The following ARFIP1 variants were observed in gnomAD, a reference collection of about 807,000 sequenced individuals.
ARFIP1 encodes the protein ARF interacting protein 1, also known as arfaptin-1.
In ARFIP1, 24 loss-of-function variants were observed where a neutral mutation model predicts 42.5. The ratio of observed to expected loss-of-function variants is 0.57; its 90% confidence interval spans 0.41 to 0.80. The LOEUF is 0.80. Among genes scored for constraint, ARFIP1 ranks in the 30% least tolerant of loss-of-function variants. ARFIP1 has a pLI of 0.00. For missense variants in ARFIP1, 354 were observed against 434.0 expected (o/e 0.82, Z 1.64); for synonymous variants, 141 against 153.7 (o/e 0.92, Z 0.61).
chr4:152,826,338 T>A (rs1730836556), intron 1 of ARFIP1, among the ~76,000 whole-genome samples: 1 of 152,126 alleles, frequency 6.6e-6, no homozygotes, highest in South Asian at 2.1e-4. Flanking sequence ...CCAATAATGG[T>A]AGGCCATTAT....
At chr4:152,810,700 C>T (rs1729377802) in intron 1 of ARFIP1, among the ~76,000 whole-genome samples, 1 of 152,038 alleles carries the variant, frequency 6.6e-6, no homozygotes, top group African/African-American at 2.4e-5. Flanking sequence ...CCTGTAGTCC[C>T]AGCTACTTGG....
chr4:152,828,105 C>T (rs1320335426), intron 1 of ARFIP1, among the ~76,000 whole-genome samples: 1 of 152,170 alleles, frequency 6.6e-6, no homozygotes, highest in Non-Finnish European at 1.5e-5. Context: ...ACTGAAGGGT[C>T]TCTTGATTGC....
intron 2 of ARFIP1, among the ~76,000 whole-genome samples, chr4:152,832,570 A>G (rs1339074046): frequency 6.6e-6 from 1 of 152,104 alleles, no homozygotes; most frequent in East Asian, 1.9e-4. Flanking sequence ...TGATGAACAG[A>G]AGTTGTTAAT....
chr4:152,864,438 G>T (rs1326745760), intron 3 of ARFIP1, among the ~76,000 whole-genome samples: 1 of 152,236 alleles, frequency 6.6e-6, no homozygotes, highest in Admixed American at 6.5e-5. Context: ...AAGGCAAAAA[G>T]TGCATAAGCT....
intron 1 of ARFIP1, among the ~76,000 whole-genome samples, chr4:152,804,091 TAA>T (rs1728671007): frequency 9.8e-6 from 1 of 102,550 alleles, no homozygotes; most frequent in African/African-American, 3.6e-5. Context: ...TAATATAACG[TAA>T]TATATATTAT....
At chr4:152,835,218 C>T (rs949194487) in intron 2 of ARFIP1, among the ~76,000 whole-genome samples, 8 of 152,248 alleles carry the variant, frequency 5.3e-5, no homozygotes, top group African/African-American at 1.9e-4. Flanking sequence ...ATTTTCCAAA[C>T]TTTTATGCTC....
chr4:152,781,171 C>T (rs577103174), intron 1 of ARFIP1, among the ~76,000 whole-genome samples: 17 of 152,090 alleles, frequency 1.1e-4, no homozygotes, highest in Middle Eastern at 3.4e-3. Flanking sequence ...GAAATGTGCA[C>T]CAGAAATGGT....
intron 1 of ARFIP1, among the ~76,000 whole-genome samples, chr4:152,806,377 T>C (rs143135210): frequency 6.6e-4 from 101 of 152,288 alleles, no homozygotes; most frequent in African/African-American, 2.3e-3. Context: ...AGGTGGGCAC[T>C]GTGATCAGGG....
At chr4:152,910,004 C>T (rs1396447670) in intron 8 of ARFIP1, 60 bp from the exon 9 acceptor site, 13 of 1,545,414 alleles carry the variant, frequency 8.4e-6, no homozygotes, top group South Asian at 2.4e-5. Context: ...TAATAAATCA[C>T]TCTCTATTTT....
At chr4:152,909,948 A>T in intron 8 of ARFIP1, 116 bp from the exon 9 acceptor site, 1 of 1,336,072 alleles carries the variant, frequency 7.5e-7, no homozygotes, top group Non-Finnish European at 1.0e-6. Flanking sequence ...GGTCATTATT[A>T]AGCCAGCTTT....
At chr4:152,904,102 C>G (rs1738081430) in intron 8 of ARFIP1, among the ~76,000 whole-genome samples, 1 of 150,498 alleles carries the variant, frequency 6.6e-6, no homozygotes, top group South Asian at 2.1e-4. Context: ...ATGTGCAGGT[C>G]TGTTACATAG....
chr4:152,900,069 A>G (rs895651785), intron 8 of ARFIP1, among the ~76,000 whole-genome samples: 1 of 152,058 alleles, frequency 6.6e-6, no homozygotes, highest in Admixed American at 6.6e-5. Flanking sequence ...ATAACCTTGG[A>G]AAACAGAAGC....
At chr4:152,862,942 A>C (rs1734009758) in intron 2 of ARFIP1, among the ~76,000 whole-genome samples, 2 of 152,158 alleles carry the variant, frequency 1.3e-5, no homozygotes, top group South Asian at 2.1e-4. Flanking sequence ...AAAAACTTAG[A>C]ATATACTTAA....
chr4:152,817,002 T>C (rs1729945167), intron 1 of ARFIP1, among the ~76,000 whole-genome samples: 1 of 152,236 alleles, frequency 6.6e-6, no homozygotes, highest in Non-Finnish European at 1.5e-5. Flanking sequence ...GATTATAATT[T>C]TTTATCTGCC....
At chr4:152,907,132 T>C (rs1738427760) in intron 8 of ARFIP1, among the ~76,000 whole-genome samples, 1 of 152,226 alleles carries the variant, frequency 6.6e-6, no homozygotes, top group African/African-American at 2.4e-5. Flanking sequence ...TGAGAAGAGA[T>C]GTTTGCCTTT....
chr4:152,895,920 T>TA, intron 8 of ARFIP1, among the ~76,000 whole-genome samples: 1 of 152,238 alleles, frequency 6.6e-6, no homozygotes, highest in East Asian at 1.9e-4. Flanking sequence ...ATAATGGTCT[T>TA]ACACTCATAG....
At chr4:152,789,875 A>T (rs2149815144) in intron 1 of ARFIP1, among the ~76,000 whole-genome samples, 1 of 152,312 alleles carries the variant, frequency 6.6e-6, no homozygotes, top group Non-Finnish European at 1.5e-5. Context: ...TTCTGGTATT[A>T]CAAAATGCTC....
At chr4:152,878,631 C>T (rs1242320087) in intron 5 of ARFIP1, among the ~76,000 whole-genome samples, 2 of 152,110 alleles carry the variant, frequency 1.3e-5, no homozygotes, top group South Asian at 2.1e-4. Flanking sequence ...CTTAATTTGC[C>T]TTATAATCAG....
rs1230523469 is a variant in ARFIP1 at position 152,911,442 on chromosome 4, G to GT, written c.*1227dup. On this transcript the variant is annotated 3_prime_UTR_variant, in exon 9 of 9. Coordinates refer to ENST00000353617, the MANE Select transcript of ARFIP1 (RefSeq NM_001025595.3). Reference sequence around the variant, plus strand: ...AAAGAGGATTGGAAAGGCCAGTACTGTTTTAGTTGCTCGGCACTGTTGGTT... The same window carrying GT: ...AAAGAGGATTGGAAAGGCCAGTACTGTTTTTAGTTGCTCGGCACTGTTGGTT... 2 of 152,302 alleles carry GT rather than the reference G, an allele frequency of 1.3e-5. No homozygotes were observed. Among genetic ancestry groups the GT allele is most frequent in the African/African-American group, 4.8e-5 (2 of 41,464 alleles). 9.4% of individuals were successfully genotyped at this position (152,302 alleles called of 1,614,324 possible). A position where few individuals can be genotyped will look rare whatever the true frequency, so the allele number is the denominator to read the frequency against.
Sources: allele counts gnomAD v4.1 joint callset (sites outside exome capture counted in the v4.1 genomes callset), GRCh38; gene constraint gnomAD v4.1.1; transcripts MANE v1.5; gene names NCBI Gene and HGNC (gene_info 2026-07-23, HGNC 2026-07-21).